PI4KA: variants seen among roughly 807,000 people sequenced by gnomAD.
The protein encoded by PI4KA is PI4-kinase alpha.
Under a neutral mutation model 271.4 loss-of-function variants are expected in PI4KA, and 122 were observed. The ratio of observed to expected loss-of-function variants is 0.45; its 90% confidence interval spans 0.39 to 0.52. The LOEUF (loss-of-function observed/expected upper bound fraction) is 0.52, where lower values mean the gene tolerates loss of function less well. Among genes scored for constraint, PI4KA ranks in the 20% least tolerant of loss-of-function variants. The probability of loss-of-function intolerance (pLI) is 0.00; values close to 1 mark genes in which losing one functional copy is unlikely to be tolerated. For missense variants in PI4KA, 1,969 were observed against 2,769.1 expected, an observed-to-expected ratio of 0.71 and a Z score of 6.48; for synonymous variants, 1,041 against 1,078.8, an observed-to-expected ratio of 0.96 and a Z score of 0.69.
At position 20,721,279 on chromosome 22, in the gene PI4KA, G is replaced by T. The variant is rs1177686727; in HGVS notation, c.5116+19C>A. 2.0e-5 allele frequency: 32 copies of T among 1,613,370 alleles called. No homozygotes were observed. The highest frequency in any genetic ancestry group is 2.7e-5 in the Non-Finnish European group (32 of 1,179,640). ...ACTGAAGACAGTAAGTGAGGCCTGTGGGAGGACAAAATACTCACGGTCTTT... is the reference window on the plus strand; with the variant it reads ...ACTGAAGACAGTAAGTGAGGCCTGTTGGAGGACAAAATACTCACGGTCTTT... On this transcript the variant is annotated intron_variant, in intron 43 of 54. Coordinates refer to ENST00000255882, the MANE Select transcript of PI4KA (RefSeq NM_058004.4).
chr22:20,752,755 T>C (rs748601827), intron 25 of PI4KA, 148 bp downstream of exon 25: 3 of 782,374 alleles, frequency 3.8e-6, no homozygotes, highest in Non-Finnish European at 4.2e-6. Context: ...CTCACAGACA[T>C]TGGAGGGAGG....
At chr22:20,748,826 T>G (rs1930381551) in intron 28 of PI4KA, among the ~76,000 whole-genome samples, 1 of 151,680 alleles carries the variant, frequency 6.6e-6, no homozygotes, top group Admixed American at 6.6e-5. Flanking sequence ...ACTACTCTGG[T>G]GGGTGGAGGA....
At position 20,729,597 on chromosome 22, in the gene PI4KA, C is replaced by T. The variant is rs201259304; in HGVS notation, c.4488+35G>A. The stretch of plus-strand genomic sequence containing the variant: ...CACCAGGTGTCGTACAGGCAGGTGG[C>T]GGGCAGCAGGCACAGCTGCACCTGT... On this transcript the variant is annotated intron_variant, in intron 38 of 54. Coordinates refer to ENST00000255882, the MANE Select transcript of PI4KA (RefSeq NM_058004.4). 608 of 1,553,136 alleles carry T rather than the reference C, an allele frequency of 3.9e-4. No individual in the cohort carries two copies. The African/African-American group carries it at 6.4e-3, about 16-fold the overall frequency.
At chr22:20,791,081 A>C (rs542531157) in intron 19 of PI4KA, among the ~76,000 whole-genome samples, 6 of 152,194 alleles carry the variant, frequency 3.9e-5, no homozygotes, top group Non-Finnish European at 8.8e-5. Flanking sequence ...TGTGACCCTC[A>C]AATTTGTGTA....
At chr22:20,731,347 G>C (rs1928027590) in intron 36 of PI4KA, among the ~76,000 whole-genome samples, 1 of 152,226 alleles carries the variant, frequency 6.6e-6, no homozygotes, top group Non-Finnish European at 1.5e-5. Context: ...AGTGGAGCCA[G>C]AAAGCTGCCT....
At chr22:20,739,627 CCCAAGATG>C (rs1929170082) in intron 32 of PI4KA, among the ~76,000 whole-genome samples, 2 of 71,500 alleles carry the variant, frequency 2.8e-5, no homozygotes, top group Non-Finnish European at 6.6e-5. Flanking sequence ...AAGAAACTGA[CCCAAGATG>C]ACTCAAATAC....
rs1320384763 is a variant in PI4KA at position 20,783,578 on chromosome 22, C to T, written c.2328+9615G>A. ...GCTGCAGTGAGCTATGATGGCATCG[C>T]CGCACTCCAGCCTGCATGACACAGT... On this transcript the variant is annotated intron_variant, in intron 19 of 54. Coordinates refer to ENST00000255882, the MANE Select transcript of PI4KA (RefSeq NM_058004.4). 2.0e-5 allele frequency among the ~76,000 whole-genome samples: 3 copies of T among 152,228 alleles called. No individual in the cohort carries two copies. In the East Asian group the frequency reaches 5.8e-4, roughly 29 times the overall value.
chr22:20,815,789 T>A (rs544978256), intron 7 of PI4KA, among the ~76,000 whole-genome samples: 1 of 151,972 alleles, frequency 6.6e-6, no homozygotes, highest in Non-Finnish European at 1.5e-5. Context: ...GTTGTGATTA[T>A]CGGGCACTTC....
intron 1 of PI4KA, among the ~76,000 whole-genome samples, chr22:20,851,288 C>T (rs944133397): frequency 3.9e-5 from 6 of 152,134 alleles, no homozygotes; most frequent in African/African-American, 9.6e-5. Context: ...ATCATATGAA[C>T]GGATGGTGCC....
chr22:20,750,040 T>A (rs1398834442), intron 27 of PI4KA, 46 bp from the exon 28 acceptor site: 6 of 1,251,522 alleles, frequency 4.8e-6, no homozygotes, highest in Admixed American at 1.7e-5. Flanking sequence ...GGTCAGTTCA[T>A]CTGAGCTGCC....
chr22:20,838,750 C>CT lies in PI4KA; in HGVS notation c.157-20_157-19insA, dbSNP rs747129833. 4.6e-5 allele frequency: 63 copies of CT among 1,384,462 alleles called. No individual in the cohort carries two copies. In the South Asian group the frequency reaches 7.2e-4, roughly 16 times the overall value. 85.8% of individuals were successfully genotyped at this position (1,384,462 alleles called of 1,614,324 possible). On this transcript the variant is annotated intron_variant, in intron 1 of 54. Transcript: ENST00000255882. ...TTTGGACCTAGAAAATGAGACCCCC[C>CT]CAAAAACAGCTCTACAAAATAGAAA...
chr22:20,723,689 G>A (rs1188775143), intron 42 of PI4KA, among the ~76,000 whole-genome samples: 1 of 151,952 alleles, frequency 6.6e-6, no homozygotes, highest in African/African-American at 2.4e-5. Flanking sequence ...AAATTAGCCA[G>A]GCGTGGTGGT....
chr22:20,735,726 C>A (rs542627755), intron 32 of PI4KA, among the ~76,000 whole-genome samples: 1 of 152,230 alleles, frequency 6.6e-6, no homozygotes, highest in African/African-American at 2.4e-5. Flanking sequence ...CAGGAGCCGA[C>A]GGGAGCCCGG....
chr22:20,858,671 AGCCGCC>A lies in PI4KA; in HGVS notation c.49_54del (p.Gly17_Gly18del), dbSNP rs1328947583. On this transcript the variant is annotated inframe_deletion, in exon 1 of 55. Transcript: ENST00000255882. Reference sequence around the variant, plus strand: ...GAGGCGCTGGAGCCGGAGCCGGAGCAGCCGCCGCCGCCTCCGCCTCCGCCTCCGCCT... The same window carrying A: ...GAGGCGCTGGAGCCGGAGCCGGAGCAGCCGCCTCCGCCTCCGCCTCCGCCT... 4 of 1,469,990 alleles carry A rather than the reference AGCCGCC, an allele frequency of 2.7e-6. No homozygotes were observed. Among genetic ancestry groups the A allele is most frequent in the East Asian group, 2.9e-5 (1 of 34,120 alleles). 91.1% of individuals were successfully genotyped at this position (1,469,990 alleles called of 1,614,324 possible). A position where few individuals can be genotyped will look rare whatever the true frequency, so the allele number is the denominator to read the frequency against.
At chr22:20,830,606 C>CA in intron 3 of PI4KA, among the ~76,000 whole-genome samples, 1 of 152,254 alleles carries the variant, frequency 6.6e-6, no homozygotes, top group East Asian at 1.9e-4. Flanking sequence ...CAATTTGCCA[C>CA]AATGTGTCTT....
chr22:20,785,726 A>G (rs919496775), intron 19 of PI4KA, among the ~76,000 whole-genome samples: 1 of 152,250 alleles, frequency 6.6e-6, no homozygotes, highest in African/African-American at 2.4e-5. Context: ...ACCATAAACC[A>G]GGAAAAGTTC....
intron 10 of PI4KA, among the ~76,000 whole-genome samples, chr22:20,806,196 T>G (rs1032492241): frequency 2.0e-5 from 3 of 152,174 alleles, no homozygotes; most frequent in African/African-American, 7.2e-5. Context: ...TGACAAAATA[T>G]TATGTGCTCA....
intron 19 of PI4KA, among the ~76,000 whole-genome samples, chr22:20,769,095 T>G (rs998561851): frequency 2.6e-5 from 4 of 152,122 alleles, no homozygotes; most frequent in Non-Finnish European, 5.9e-5. Context: ...ATGGAAAGGG[T>G]TGCGCTTCTA....
intron 54 of PI4KA, among the ~76,000 whole-genome samples, 185 bp from the exon 55 acceptor site, chr22:20,708,283 C>T (rs2540529): frequency 3.9e-5 from 6 of 152,150 alleles, no homozygotes; most frequent in East Asian, 3.9e-4. Context: ...CGGGGGACTC[C>T]GAGGCCACCT....
Sources: gnomAD v4.1 joint callset for allele counts (sites outside exome capture counted in the v4.1 genomes callset) on GRCh38, gnomAD v4.1.1 for gene constraint, MANE v1.5 for transcripts, NCBI Gene and HGNC (gene_info 2026-07-23, HGNC 2026-07-21) for gene names.